Variants in SLCO1A2 observed in about 807,000 individuals in gnomAD.
The protein encoded by SLCO1A2 is solute carrier organic anion transporter family member 1A2.
A neutral mutation model predicts 69.0 loss-of-function variants in SLCO1A2; 67 were observed. The ratio of observed to expected loss-of-function variants is 0.97; its 90% confidence interval spans 0.80 to 1.19. The LOEUF (loss-of-function observed/expected upper bound fraction) is 1.19, where lower values mean the gene tolerates loss of function less well. SLCO1A2 is among the 50% of genes most tolerant of loss of function. The probability of loss-of-function intolerance (pLI) is 0.00; values close to 1 mark genes in which losing one functional copy is unlikely to be tolerated. For missense variants in SLCO1A2, 787 were observed against 793.7 expected (o/e 0.99, Z 0.10); for synonymous variants, 260 against 265.9 (o/e 0.98, Z 0.22).
upstream of SLCO1A2, among the ~76,000 whole-genome samples, chr12:21,398,796 C>A (rs1320709133): frequency 6.7e-6 from 1 of 149,260 alleles, no homozygotes; most frequent in Admixed American, 6.6e-5. Flanking sequence ...TCAATAGATG[C>A]AGAAAAGGCC....
chr12:21,277,521 G>A (rs1944095428), intron 12 of SLCO1A2, among the ~76,000 whole-genome samples: 1 of 152,022 alleles, frequency 6.6e-6, no homozygotes, highest in Admixed American at 6.6e-5. Context: ...ACAGGCACAG[G>A]AAGCAAAGGG....
chr12:21,293,702 T>C (rs1006713374), intron 11 of SLCO1A2, among the ~76,000 whole-genome samples: 2 of 152,056 alleles, frequency 1.3e-5, no homozygotes, highest in African/African-American at 2.4e-5. Context: ...CCCAAATTAT[T>C]TGAGTAATAA....
At chr12:21,358,611 C>T (rs1054933265) in intron 2 of SLCO1A2, among the ~76,000 whole-genome samples, 2 of 151,838 alleles carry the variant, frequency 1.3e-5, no homozygotes, top group African/African-American at 4.8e-5. Context: ...TATTTTATCA[C>T]TAGTTAATAC....
chr12:21,325,537 C>T (rs1952156970), intron 2 of SLCO1A2, among the ~76,000 whole-genome samples: 1 of 152,104 alleles, frequency 6.6e-6, no homozygotes, highest in African/African-American at 2.4e-5. Context: ...TCAGATTTGC[C>T]CCAGGCAATT....
chr12:21,270,015 T>C (rs1015841275), intron 14 of SLCO1A2, among the ~76,000 whole-genome samples: 3 of 139,504 alleles, frequency 2.2e-5, no homozygotes, highest in African/African-American at 8.9e-5. Context: ...TTTATTATTG[T>C]TGTTATAACT....
rs1053099016 is a variant in SLCO1A2 at position 21,324,594 on chromosome 12, G to T, written c.61-5671C>A. ...ATTGTCATAAAACCAGAATACTCAC[G>T]GTTTCCAAATTTGGGAGAACTTGGA... On this transcript the variant is annotated intron_variant, in intron 2 of 14. Coordinates refer to ENST00000683939, the MANE Select transcript of SLCO1A2 (RefSeq NM_001386879.1). The T allele has an allele frequency of 3.3e-5, 5 of 152,080 alleles. No homozygotes were observed. The East Asian group carries it at 9.6e-4, about 29-fold the overall frequency. 9.4% of individuals were successfully genotyped at this position (152,080 alleles called of 1,614,324 possible).
chr12:21,408,726 G>A (rs1359223275), intron 1 of SLCO1A2, among the ~76,000 whole-genome samples: 1 of 99,462 alleles, frequency 1.0e-5, no homozygotes, highest in Non-Finnish European at 2.2e-5. Flanking sequence ...GTGTGTGTGT[G>A]TGTGTGTGTG....
intron 2 of SLCO1A2, among the ~76,000 whole-genome samples, chr12:21,332,511 G>T (rs1467325939): frequency 6.6e-6 from 1 of 151,986 alleles, no homozygotes; most frequent in South Asian, 2.1e-4. Context: ...AAGAGAGGAG[G>T]GTATAAAGAG....
chr12:21,273,699 A>G (rs542580080), intron 14 of SLCO1A2, among the ~76,000 whole-genome samples: 81 of 152,160 alleles, frequency 5.3e-4, no homozygotes, highest in Non-Finnish European at 1.1e-3. Flanking sequence ...AGCTTCCCTC[A>G]GCATCACTCC....
intron 10 of SLCO1A2, chr12:21,295,335 C>A (rs1305052072): frequency 6.0e-6 from 2 of 332,108 alleles, no homozygotes; most frequent in Non-Finnish European, 5.5e-6. Context: ...ACTCGGATAT[C>A]ACAAAGACAA....
In SLCO1A2 at chr12:21,274,266, T is replaced by G. The variant is rs534200102; in HGVS notation, c.1793+203A>C. Reference sequence around the variant, plus strand: ...AGGTTAGGGAAGCCATGTATGCTTATATTTACCAAGCACTTGAGAAATAAT... The same window carrying G: ...AGGTTAGGGAAGCCATGTATGCTTAGATTTACCAAGCACTTGAGAAATAAT... On this transcript the variant is annotated intron_variant, in intron 14 of 14. Transcript: ENST00000683939. 8.6e-4 allele frequency: 418 copies of G among 483,348 alleles called. 1 individual carries two copies. Among genetic ancestry groups the G allele is most frequent in the Non-Finnish European group, 4.6e-4 (124 of 269,638 alleles). The allele number at this position is 483,348 out of a possible 1,614,324, so 29.9% of individuals were successfully genotyped here.
At chr12:21,393,336 T>A (rs1941254310) in intron 1 of SLCO1A2, among the ~76,000 whole-genome samples, 1 of 152,186 alleles carries the variant, frequency 6.6e-6, no homozygotes. Context: ...CACTAAACCT[T>A]AGAAAACCAG....
At chr12:21,290,461 C>A (rs1251410060) in intron 12 of SLCO1A2, among the ~76,000 whole-genome samples, 1 of 152,068 alleles carries the variant, frequency 6.6e-6, no homozygotes, top group South Asian at 2.1e-4. Flanking sequence ...GGTATGGGAA[C>A]AGGCAAATAA....
chr12:21,373,116 A>G, intron 2 of SLCO1A2: 1 of 559,386 alleles, frequency 1.8e-6, no homozygotes. Flanking sequence ...GTATTACAAT[A>G]TAAATGTTCA....
At chr12:21,314,252 G>C (rs1015333091) in intron 4 of SLCO1A2, among the ~76,000 whole-genome samples, 3 of 152,158 alleles carry the variant, frequency 2.0e-5, no homozygotes, top group Admixed American at 6.5e-5. Flanking sequence ...GTATTTACAT[G>C]GTCCTGAGAA....
At chr12:21,418,883 G>C (rs1349990795), upstream of SLCO1A2, among the ~76,000 whole-genome samples, 1 of 152,004 alleles carries the variant, frequency 6.6e-6, no homozygotes, top group African/African-American at 2.4e-5. Context: ...TTTTTGTATG[G>C]CCTGTGAACT....
At chr12:21,269,962 T>G (rs1238401210) in intron 14 of SLCO1A2, among the ~76,000 whole-genome samples, 195 bp from the exon 15 acceptor site, 1 of 151,874 alleles carries the variant, frequency 6.6e-6, no homozygotes, top group Non-Finnish European at 1.5e-5. Flanking sequence ...TTTTTAATTT[T>G]CCCACTGAGA....
At chr12:21,397,399 T>C (rs1442567602), upstream of SLCO1A2, among the ~76,000 whole-genome samples, 3 of 152,014 alleles carry the variant, frequency 2.0e-5, no homozygotes, top group African/African-American at 7.3e-5. Flanking sequence ...TACAAAGAGA[T>C]TTAGACTCCC....
intron 2 of SLCO1A2, among the ~76,000 whole-genome samples, chr12:21,360,335 T>C (rs997867841): frequency 1.3e-5 from 2 of 152,134 alleles, no homozygotes; most frequent in African/African-American, 2.4e-5. Flanking sequence ...TAAATGAAGG[T>C]GTAAAACGAC....
Sources: allele counts gnomAD v4.1 joint callset (sites outside exome capture counted in the v4.1 genomes callset), GRCh38; gene constraint gnomAD v4.1.1; transcripts MANE v1.5; gene names NCBI Gene and HGNC (gene_info 2026-07-23, HGNC 2026-07-21).